Variants in TJP1 observed in about 807,000 individuals in gnomAD.
TJP1 encodes tight junction protein ZO-1.
Under a neutral mutation model 194.2 loss-of-function variants are expected in TJP1, and 43 were observed. That is an observed-to-expected ratio of 0.22 (90% CI 0.17 to 0.29). The LOEUF is 0.29. TJP1 is among the 10% of genes least tolerant of loss of function. TJP1 has a pLI of 1.00. For synonymous variants in TJP1, 801 were observed against 779.0 expected (o/e 1.03, Z -0.47); for missense variants, 1,971 against 2,185.7 (o/e 0.90, Z 1.96).
intron 2 of TJP1, among the ~76,000 whole-genome samples, chr15:29,794,622 ATT>A (rs2048292336): frequency 6.6e-6 from 1 of 152,172 alleles, no homozygotes; most frequent in Admixed American, 6.5e-5. Flanking sequence ...TACATTTAGT[ATT>A]TTCCTACACA....
chr15:29,875,759 T>G (rs562396058), intron 2 of TJP1, among the ~76,000 whole-genome samples: 32 of 152,102 alleles, frequency 2.1e-4, no homozygotes, highest in African/African-American at 7.5e-4. Flanking sequence ...AGAGACAGGG[T>G]TTCACCATGT....
intron 2 of TJP1, among the ~76,000 whole-genome samples, chr15:29,930,023 A>G (rs2054655888): frequency 6.6e-6 from 1 of 152,220 alleles, no homozygotes; most frequent in Non-Finnish European, 1.5e-5. Flanking sequence ...ATTAAAATTC[A>G]GTCAAGAAGA....
intron 2 of TJP1, among the ~76,000 whole-genome samples, chr15:29,845,814 A>T (rs35187310): frequency 0.027 from 4,063 of 152,234 alleles, 149 homozygotes; most frequent in African/African-American, 0.088. Context: ...ATAAATAAAT[A>T]AAATTAAATT....
At chr15:29,824,241 C>A (rs999361518), upstream of TJP1, among the ~76,000 whole-genome samples, 1 of 150,912 alleles carries the variant, frequency 6.6e-6, no homozygotes. Context: ...GTCAGGAGTT[C>A]GAAACCAGCC....
intron 2 of TJP1, among the ~76,000 whole-genome samples, chr15:29,883,461 A>G (rs1409373421): frequency 6.6e-6 from 1 of 152,218 alleles, no homozygotes; most frequent in Non-Finnish European, 1.5e-5. Context: ...CTTCTGTATC[A>G]TGACTGAGGC....
At chr15:29,768,550 G>A (rs1204860479) in intron 4 of TJP1, among the ~76,000 whole-genome samples, 3 of 152,106 alleles carry the variant, frequency 2.0e-5, no homozygotes, top group Non-Finnish European at 2.9e-5. Flanking sequence ...GGATCCTACT[G>A]TACCTGACCT....
chr15:29,950,051 ACCACCT>A, intron 2 of TJP1, among the ~76,000 whole-genome samples: 2 of 41,010 alleles, frequency 4.9e-5, no homozygotes, highest in Non-Finnish European at 4.3e-5. Context: ...CTCCACCACC[ACCACCT>A]CCACCACCAC....
chr15:29,816,562 C>A (rs547481068), intron 1 of TJP1, among the ~76,000 whole-genome samples: 1 of 152,236 alleles, frequency 6.6e-6, no homozygotes, highest in South Asian at 2.1e-4. Context: ...AGTTGGCAGC[C>A]AAACTTCAGT....
intron 2 of TJP1, among the ~76,000 whole-genome samples, chr15:29,848,618 T>C (rs1294106594): frequency 6.6e-6 from 1 of 152,168 alleles, no homozygotes; most frequent in Non-Finnish European, 1.5e-5. Context: ...TTCCAGCACT[T>C]TGGGAAGCCA....
chr15:29,959,557 G>A (rs1011095306), intron 1 of TJP1, among the ~76,000 whole-genome samples: 4 of 152,008 alleles, frequency 2.6e-5, no homozygotes, highest in African/African-American at 4.8e-5. Flanking sequence ...GATGGGATAC[G>A]CTGCCAGGTC....
At position 29,773,250 on chromosome 15, in the gene TJP1, T is replaced by A. The variant is rs2046806800; in HGVS notation, c.192A>T (p.Pro64=). The part of the protein sequence containing the change: ...IVISDVLKGG[P]AEGQLQENDR... ...ACTCTTACTGTAGCTGTCCTTCAGC[T>A]GGTCCTCCTTTCAGCACATCTGAAA... The change falls in exon 3 of 28, where the codon CCA becomes CCT. Residue 64 remains proline, a synonymous_variant. Coordinates refer to ENST00000614355, the MANE Select transcript of TJP1 (RefSeq NM_001330239.4). 1.9e-6 allele frequency: 3 copies of A among 1,614,048 alleles called. No individual in the cohort carries two copies. The highest frequency in any genetic ancestry group is 1.7e-6 in the Non-Finnish European group (2 of 1,179,910).
At chr15:29,833,881 A>ATATATTTTTTTTTTT (rs1555434000) in intron 2 of TJP1, among the ~76,000 whole-genome samples, 3 of 12,616 alleles carry the variant, frequency 2.4e-4, no homozygotes, top group East Asian at 0.025. Context: ...ATATATATAT[A>ATATATTTTTTTTTTT]TTTTTTTTTT....
intron 5 of TJP1, among the ~76,000 whole-genome samples, chr15:29,763,410 T>C (rs1369054112): frequency 6.6e-6 from 1 of 152,168 alleles, no homozygotes; most frequent in African/African-American, 2.4e-5. Flanking sequence ...AAAACCAAGA[T>C]GGAAAACAGA....
At chr15:29,725,364 G>T (rs1253065649) in intron 18 of TJP1, among the ~76,000 whole-genome samples, 1 of 152,188 alleles carries the variant, frequency 6.6e-6, no homozygotes, top group Non-Finnish European at 1.5e-5. Flanking sequence ...TGTCTGGGTA[G>T]AGGACATGGG....
intron 2 of TJP1, among the ~76,000 whole-genome samples, chr15:29,900,533 G>A (rs1186940462): frequency 6.6e-6 from 1 of 152,170 alleles, no homozygotes; most frequent in Non-Finnish European, 1.5e-5. Context: ...TATTCCAAAA[G>A]TGCAGCCTCT....
At chr15:29,877,015 A>C (rs1351686768) in intron 2 of TJP1, among the ~76,000 whole-genome samples, 1 of 152,054 alleles carries the variant, frequency 6.6e-6, no homozygotes, top group Non-Finnish European at 1.5e-5. Flanking sequence ...GTTTCTCCTC[A>C]CTTTTGTCAA....
chr15:29,767,070 C>T (rs768725499), intron 4 of TJP1, among the ~76,000 whole-genome samples: 26 of 152,186 alleles, frequency 1.7e-4, no homozygotes, highest in Non-Finnish European at 3.4e-4. Flanking sequence ...TTAACTCAGC[C>T]GTACTTCACC....
At chr15:29,835,576 G>A (rs1451722126) in intron 2 of TJP1, among the ~76,000 whole-genome samples, 2 of 152,092 alleles carry the variant, frequency 1.3e-5, no homozygotes, top group Admixed American at 6.5e-5. Flanking sequence ...CCTGACCCCA[G>A]GAGGTTGAGG....
chr15:29,761,645 TC>T lies in TJP1; in HGVS notation c.817del (p.Asp273IlefsTer84). ...DERATLLNVP[D>X]LSDSIHSANA... ...AGCAGAGTGGATGCTGTCAGAAAGA[TC>T]AGGGACATTCAATAGCGTAGCCCGT... On this transcript the variant is annotated frameshift_variant, in exon 7 of 28. Transcript: ENST00000614355. LOFTEE classifies it high-confidence loss of function. 1 of 1,609,948 alleles carries T rather than the reference TC, an allele frequency of 6.2e-7. No homozygotes were observed. Among genetic ancestry groups the T allele is most frequent in the Non-Finnish European group, 8.5e-7 (1 of 1,176,634 alleles).
Sources: allele counts gnomAD v4.1 joint callset (sites outside exome capture counted in the v4.1 genomes callset), GRCh38; gene constraint gnomAD v4.1.1; transcripts MANE v1.5; gene names NCBI Gene and HGNC (gene_info 2026-07-23, HGNC 2026-07-21).